The following CEP128 variants were observed in gnomAD, a reference collection of about 807,000 sequenced individuals.
CEP128 encodes the protein centrosomal protein 128kDa.
Under a neutral mutation model 156.7 loss-of-function variants are expected in CEP128, and 132 were observed. The observed-to-expected ratio is 0.84, with a 90% CI of 0.73 to 0.97. CEP128 has a LOEUF of 0.97. Ranked by LOEUF, CEP128 falls within the 50% of genes least tolerant of loss-of-function variation. CEP128 has a pLI of 0.00. For synonymous variants in CEP128, 469 were observed against 448.9 expected, an observed-to-expected ratio of 1.04 and a Z score of -0.57; for missense variants, 1,252 against 1,281.9, an observed-to-expected ratio of 0.98 and a Z score of 0.36.
chr14:80,901,498 G>A (rs1054356785), intron 6 of CEP128, among the ~76,000 whole-genome samples: 4 of 152,086 alleles, frequency 2.6e-5, no homozygotes, highest in Admixed American at 6.5e-5. Context: ...AATTTTTTAC[G>A]GGGGCATTAA....
In CEP128 at chr14:80,785,192, C is replaced by T. The variant is rs751285978; in HGVS notation, c.1914G>A (p.Lys638=). 6 of 1,614,066 alleles carry T rather than the reference C, an allele frequency of 3.7e-6. No individual in the cohort carries two copies. The highest frequency in any genetic ancestry group is 5.1e-6 in the Non-Finnish European group (6 of 1,180,022). ...AKLLEMQESI[K]DLSAIRADLA... is the part of the protein sequence containing the mutation. ...GATCTGCTCGGATGGCACTCAGGTC[C>T]TTGATGGACTCTTGCATCTCAAGAA... Residue 638 remains lysine (K), a synonymous_variant, in exon 15 of 25, where the codon AAG becomes AAA. Coordinates refer to ENST00000555265, the MANE Select transcript of CEP128 (RefSeq NM_152446.5).
At chr14:80,702,569 T>C in intron 19 of CEP128, among the ~76,000 whole-genome samples, 1 of 152,148 alleles carries the variant, frequency 6.6e-6, no homozygotes, top group East Asian at 1.9e-4. Context: ...ATTCAATCAC[T>C]TTACATATAT....
chr14:80,923,671 T>C (rs80339842), intron 2 of CEP128, among the ~76,000 whole-genome samples: 2,151 of 152,278 alleles, frequency 0.014, 50 homozygotes, highest in African/African-American at 0.05. Flanking sequence ...CTCAAGGTAA[T>C]TGTGTTGATA....
intron 20 of CEP128, among the ~76,000 whole-genome samples, chr14:80,576,660 T>A (rs1247385276): frequency 1.3e-5 from 2 of 151,852 alleles, no homozygotes; most frequent in Admixed American, 1.3e-4. Flanking sequence ...TGTGTCTGTG[T>A]CTGTGTCTGT....
At chr14:80,757,309 C>A (rs1313621073) in intron 17 of CEP128, among the ~76,000 whole-genome samples, 4 of 152,116 alleles carry the variant, frequency 2.6e-5, no homozygotes, top group African/African-American at 9.7e-5. Context: ...CAGTCGTGTT[C>A]TACATAATGT....
At chr14:80,501,514 CT>C (rs1353558785) in intron 24 of CEP128, among the ~76,000 whole-genome samples, 1 of 151,108 alleles carries the variant, frequency 6.6e-6, no homozygotes. Context: ...TTTTCTTTTT[CT>C]TTTTTTTGTA....
chr14:80,666,272 T>C (rs1033036734), intron 19 of CEP128, among the ~76,000 whole-genome samples: 1 of 152,196 alleles, frequency 6.6e-6, no homozygotes, highest in Admixed American at 6.5e-5. Context: ...GAAACAAAGA[T>C]AGGGAAGTGC....
intron 19 of CEP128, among the ~76,000 whole-genome samples, chr14:80,617,819 A>T (rs1893291681): frequency 6.6e-6 from 1 of 151,724 alleles, no homozygotes; most frequent in South Asian, 2.1e-4. Context: ...AAAAATAAAC[A>T]AACAAACAAA....
intron 16 of CEP128, among the ~76,000 whole-genome samples, chr14:80,769,219 C>T (rs1343228016): frequency 3.3e-5 from 5 of 149,846 alleles, no homozygotes; most frequent in Non-Finnish European, 7.4e-5. Context: ...TCTTTAATAA[C>T]CATCAAGATT....
chr14:80,564,250 A>C (rs931872997), intron 20 of CEP128, among the ~76,000 whole-genome samples: 1 of 152,248 alleles, frequency 6.6e-6, no homozygotes, highest in Admixed American at 6.5e-5. Context: ...TAATGACTGT[A>C]CATGTAGTCA....
intron 20 of CEP128, among the ~76,000 whole-genome samples, chr14:80,566,916 A>C (rs1211300033): frequency 6.8e-6 from 1 of 147,640 alleles, no homozygotes; most frequent in Admixed American, 6.7e-5. Flanking sequence ...AAAAAAAAAA[A>C]CCAACATTTT....
chr14:80,658,356 T>C (rs1675680612), intron 19 of CEP128, among the ~76,000 whole-genome samples: 1 of 152,174 alleles, frequency 6.6e-6, no homozygotes, highest in South Asian at 2.1e-4. Context: ...TTTATGCTTG[T>C]CAGCAAATTT....
intron 19 of CEP128, among the ~76,000 whole-genome samples, chr14:80,656,311 A>T (rs865987236): frequency 6.1e-4 from 10 of 16,338 alleles, no homozygotes; most frequent in African/African-American, 2.2e-3. Context: ...ATATATATAT[A>T]TATATATATA....
At chr14:80,901,378 C>A (rs937009149) in intron 6 of CEP128, among the ~76,000 whole-genome samples, 8 of 152,088 alleles carry the variant, frequency 5.3e-5, no homozygotes, top group East Asian at 1.9e-4. Context: ...CTTGCAGAAA[C>A]AACAAATTGA....
At chr14:80,777,462 T>C (rs1048138912) in intron 16 of CEP128, among the ~76,000 whole-genome samples, 15 of 152,188 alleles carry the variant, frequency 9.9e-5, no homozygotes, top group Non-Finnish European at 2.2e-4. Flanking sequence ...TCTGTTGTTT[T>C]TCTTCTATCC....
At chr14:80,599,940 A>G (rs1454600951) in intron 19 of CEP128, among the ~76,000 whole-genome samples, 2 of 152,210 alleles carry the variant, frequency 1.3e-5, no homozygotes, top group African/African-American at 4.8e-5. Flanking sequence ...CAGAAGAAAA[A>G]GCCTGAAGAT....
chr14:80,601,358 A>G (rs1029647729), intron 19 of CEP128, among the ~76,000 whole-genome samples: 2 of 152,178 alleles, frequency 1.3e-5, no homozygotes, highest in African/African-American at 4.8e-5. Context: ...GGGGTGTCCA[A>G]TCTTTTGGCT....
At chr14:80,955,382 G>C in intron 2 of CEP128, 3 of 513,158 alleles carry the variant, frequency 5.8e-6, no homozygotes, top group Admixed American at 3.2e-5. Context: ...AGAGGGGACA[G>C]CCAGGACTGG....
intron 18 of CEP128, among the ~76,000 whole-genome samples, chr14:80,748,321 G>C (rs1001117431): frequency 2.6e-5 from 4 of 152,162 alleles, no homozygotes; most frequent in Admixed American, 1.3e-4. Context: ...TCAGGAAACA[G>C]GGTCAACTCT....
Sources: gnomAD v4.1 joint callset for allele counts (sites outside exome capture counted in the v4.1 genomes callset) on GRCh38, gnomAD v4.1.1 for gene constraint, MANE v1.5 for transcripts, NCBI Gene and HGNC (gene_info 2026-07-23, HGNC 2026-07-21) for gene names.